Variants in PARL observed in about 807,000 individuals in gnomAD.
PARL encodes presenilin-associated rhomboid-like protein, mitochondrial.
A neutral mutation model predicts 51.6 loss-of-function variants in PARL; 44 were observed. The observed-to-expected ratio is 0.85, with a 90% confidence interval of 0.67 to 1.10. PARL has a LOEUF of 1.10. Ranked by LOEUF, PARL falls within the 50% of genes least tolerant of loss-of-function variation. The pLI, the probability that PARL is intolerant of heterozygous loss-of-function variation, is 0.00. For missense variants in PARL, 441 were observed against 469.5 expected, an observed-to-expected ratio of 0.94 and a Z score of 0.56; for synonymous variants, 172 against 164.0, an observed-to-expected ratio of 1.05 and a Z score of -0.37.
intron 2 of PARL, among the ~76,000 whole-genome samples, chr3:183,867,535 C>A (rs540551938): frequency 6.6e-6 from 1 of 152,106 alleles, no homozygotes; most frequent in South Asian, 2.1e-4. Flanking sequence ...CCCGTCTCTA[C>A]TAAAAATACA....
Position 183,867,857 on chromosome 3 carries a change from G to A in PARL, c.321+8C>T, listed in dbSNP as rs757173204. On this transcript the variant is annotated splice_region_variant and intron_variant, in intron 2 of 9. Coordinates refer to ENST00000317096, the MANE Select transcript of PARL (RefSeq NM_018622.7). ...AGGTAGGTAACTCCTAGCAAAGTGA[G>A]CTCTTACCCCAACAGTAAAAAATAA... 6.2e-7 allele frequency: 1 copy of A among 1,600,076 alleles called. No homozygotes were observed. The highest frequency in any genetic ancestry group is 1.3e-5 in the African/African-American group (1 of 74,718).
At position 183,867,864 on chromosome 3, in the gene PARL, C is replaced by T. The variant is rs751606747; in HGVS notation, c.321+1G>A. The stretch of plus-strand genomic sequence containing the variant: ...TAACTCCTAGCAAAGTGAGCTCTTA[C>T]CCCAACAGTAAAAAATAAAGGTTTT... On this transcript the variant is annotated splice_donor_variant, in intron 2 of 9. Transcript: ENST00000317096. LOFTEE classifies it high-confidence loss of function. 1 of 1,607,230 alleles carries T rather than the reference C, an allele frequency of 6.2e-7. No individual in the cohort carries two copies. The highest frequency in any genetic ancestry group is 8.5e-7 in the Non-Finnish European group (1 of 1,174,988).
rs1728199826 is a variant in PARL at position 183,833,556 on chromosome 3, C to T, written c.964G>A (p.Gly322Arg). 1.2e-6 allele frequency: 2 copies of T among 1,613,802 alleles called. No individual in the cohort carries two copies. Among genetic ancestry groups the T allele is most frequent in the African/African-American group, 1.3e-5 (1 of 74,904 alleles). ...LKAIIAMDTAGMILGWKFFDH... is the reference protein window; with the variant it reads ...LKAIIAMDTARMILGWKFFDH... ...AAAAATTTCCATCCCAGGATCATTC[C>T]TGCTGTATCCATGGCGATAATGGCT... Residue 322 changes from glycine to arginine, a missense_variant, in exon 9 of 10, where the codon GGA (glycine) becomes AGA (arginine). By Grantham distance (125) the Gly-to-Arg change is moderately radical. Transcript: ENST00000317096.
In PARL at chr3:183,842,324, T is replaced by C; in HGVS notation, c.731A>G (p.Gln244Arg). The C allele has an allele frequency of 6.2e-7, 1 of 1,612,988 alleles. No homozygotes were observed. The highest frequency in any genetic ancestry group is 8.5e-7 in the Non-Finnish European group (1 of 1,179,876). Reference sequence around the variant, plus strand: ...TGCAGATAGGTACACTGCCATGAACTGCTCTTGACCCAGAATGTTCACTAT... The same window carrying C: ...TGCAGATAGGTACACTGCCATGAACCGCTCTTGACCCAGAATGTTCACTAT... ...SSIVNILGQE[Q>R]FMAVYLSAGV... The change falls in exon 6 of 10, where the codon CAG becomes CGG. Residue 244 changes from glutamine (Q) to arginine (R), a missense_variant. Coordinates refer to ENST00000317096, the MANE Select transcript of PARL (RefSeq NM_018622.7).
chr3:183,851,100 G>A (rs372307104), intron 4 of PARL, among the ~76,000 whole-genome samples: 1 of 152,186 alleles, frequency 6.6e-6, no homozygotes, highest in Non-Finnish European at 1.5e-5. Flanking sequence ...ATAGCCATAA[G>A]CACAGAATGA....
downstream of PARL, among the ~76,000 whole-genome samples, chr3:183,828,594 A>G (rs868114610): frequency 1.3e-5 from 2 of 152,186 alleles, no homozygotes; most frequent in African/African-American, 2.4e-5. Flanking sequence ...GACAATTTCT[A>G]TGTGCTGGGC....
At chr3:183,860,568 T>A (rs1731698524) in intron 4 of PARL, among the ~76,000 whole-genome samples, 1 of 152,192 alleles carries the variant, frequency 6.6e-6, no homozygotes, top group South Asian at 2.1e-4. Context: ...AATGGCTGAT[T>A]TGATTTCAAA....
intron 4 of PARL, among the ~76,000 whole-genome samples, chr3:183,862,405 C>G (rs1441878453): frequency 6.6e-6 from 1 of 152,104 alleles, no homozygotes; most frequent in African/African-American, 2.4e-5. Flanking sequence ...CAAGTAGGGA[C>G]AGAATGTGTA....
chr3:183,864,858 G>A (rs1315250235), intron 3 of PARL, among the ~76,000 whole-genome samples: 1 of 147,454 alleles, frequency 6.8e-6, no homozygotes, highest in Non-Finnish European at 1.5e-5. Flanking sequence ...GAGGGCCATC[G>A]ACTTGCATAT....
chr3:183,875,186 G>A (rs530363982), intron 1 of PARL, among the ~76,000 whole-genome samples: 18 of 152,086 alleles, frequency 1.2e-4, no homozygotes, highest in Middle Eastern at 3.2e-3. Flanking sequence ...AGACCAAGAC[G>A]AGAGGATCAA....
Position 183,842,464 on chromosome 3 carries a change from CAT to C in PARL, c.608-19_608-18del, listed in dbSNP as rs775579798. 26 of 1,609,446 alleles carry C rather than the reference CAT, an allele frequency of 1.6e-5. No homozygotes were observed. The highest frequency in any genetic ancestry group is 2.1e-5 in the Non-Finnish European group (25 of 1,176,594). The stretch of plus-strand genomic sequence containing the variant: ...AAAGGACCTCTACAAGAGAGAGAAA[CAT>C]AGTCTGGTAATCATGAAACACACAG... On this transcript the variant is annotated intron_variant, in intron 5 of 9. Coordinates refer to ENST00000317096, the MANE Select transcript of PARL (RefSeq NM_018622.7).
chr3:183,849,132 T>C (rs989713313), intron 4 of PARL, among the ~76,000 whole-genome samples: 6 of 152,176 alleles, frequency 3.9e-5, no homozygotes, highest in African/African-American at 1.4e-4. Flanking sequence ...GAGAGAATAA[T>C]TAAATGATCA....
chr3:183,844,897 T>C (rs932946591), intron 4 of PARL: 2 of 152,518 alleles, frequency 1.3e-5, no homozygotes. Flanking sequence ...ATGTGGGAGT[T>C]GAGTGACTTT....
At chr3:183,869,609 A>G (rs1241738449) in intron 1 of PARL, among the ~76,000 whole-genome samples, 1 of 151,862 alleles carries the variant, frequency 6.6e-6, no homozygotes, top group Non-Finnish European at 1.5e-5. Context: ...TATTATATAT[A>G]TAACGAACAA....
intron 6 of PARL, 52 bp from the exon 7 acceptor site, chr3:183,840,692 A>G (rs769021442): frequency 3.4e-6 from 3 of 882,620 alleles, no homozygotes; most frequent in Non-Finnish European, 5.3e-6. Flanking sequence ...AAAATGGTTT[A>G]CTTTTTTTTT....
At chr3:183,864,941 C>A (rs188592149) in intron 3 of PARL, among the ~76,000 whole-genome samples, 1 of 137,524 alleles carries the variant, frequency 7.3e-6, no homozygotes, top group Admixed American at 7.8e-5. Flanking sequence ...ATCTCGAGCA[C>A]AGTTTAGAGA....
At chr3:183,845,399 T>C (rs746675130) in intron 4 of PARL, among the ~76,000 whole-genome samples, 14 of 152,188 alleles carry the variant, frequency 9.2e-5, no homozygotes, top group Non-Finnish European at 1.2e-4. Flanking sequence ...TTTTTTCCAT[T>C]TTAATATCTG....
chr3:183,862,760 A>C lies in PARL; in HGVS notation c.504T>G (p.Thr168=), dbSNP rs747172011. The C allele has an allele frequency of 6.2e-7, 1 of 1,613,316 alleles. No homozygotes were observed. Among genetic ancestry groups the C allele is most frequent in the Non-Finnish European group, 8.5e-7 (1 of 1,179,228 alleles). ...WWNNLSDGQR[T]VTGIIAANVL... ...GTGTAAGCTAACACAAACCTGTCACAGTCCGCTGGCCATCACTTAGGTTAT... is the reference window on the plus strand; with the variant it reads ...GTGTAAGCTAACACAAACCTGTCACCGTCCGCTGGCCATCACTTAGGTTAT... The change falls in exon 4 of 10, where the codon ACT becomes ACG. Residue 168 remains threonine, a synonymous_variant. Transcript: ENST00000317096.
intron 3 of PARL, among the ~76,000 whole-genome samples, chr3:183,865,911 G>A (rs6781383): frequency 0.42 from 61,903 of 147,556 alleles, 13,421 homozygotes; most frequent in Middle Eastern, 0.56. Flanking sequence ...ATGAGTTCTC[G>A]CTCTGTCACC....
Sources: gnomAD v4.1 joint callset for allele counts (sites outside exome capture counted in the v4.1 genomes callset) on GRCh38, gnomAD v4.1.1 for gene constraint, MANE v1.5 for transcripts, NCBI Gene and HGNC (gene_info 2026-07-23, HGNC 2026-07-21) for gene names.